The following HADH variants were observed in gnomAD, a reference collection of about 807,000 sequenced individuals.
HADH encodes the protein hydroxyacyl-CoA dehydrogenase.
Under a neutral mutation model 32.2 loss-of-function variants are expected in HADH, and 24 were observed. That is an observed-to-expected ratio of 0.75 (90% CI 0.54 to 1.05). The LOEUF is 1.05. HADH is among the 50% of genes least tolerant of loss of function. The pLI is 0.00. For synonymous variants in HADH, 139 were observed against 152.5 expected (o/e 0.91, Z 0.65); for missense variants, 350 against 397.1 (o/e 0.88, Z 1.01).
At position 108,034,775 on chromosome 4, in the gene HADH, T is replaced by C; in HGVS notation, c.*418T>C. On this transcript the variant is annotated 3_prime_UTR_variant, in exon 8 of 8. Transcript: ENST00000309522. ...CCACTGGCAAGCAAGTGGTATAGTC[T>C]GTGAAGCACTGCAGCGAGCAGCACC... 1 of 329,092 alleles carries C rather than the reference T, an allele frequency of 3.0e-6. No individual in the cohort carries two copies. Among genetic ancestry groups the C allele is most frequent in the East Asian group, 7.8e-5 (1 of 12,876 alleles). 20.4% of individuals were successfully genotyped at this position (329,092 alleles called of 1,614,324 possible).
chr4:108,023,443 C>G (rs770052488), intron 4 of HADH, 31 bp from the exon 5 acceptor site: 57 of 1,358,272 alleles, frequency 4.2e-5, no homozygotes, highest in Admixed American at 6.7e-5. Context: ...TGCTGACACT[C>G]TGGTCATAAT....
chr4:107,998,172 T>G (rs1226947496), intron 1 of HADH, among the ~76,000 whole-genome samples: 1 of 152,036 alleles, frequency 6.6e-6, no homozygotes, highest in Non-Finnish European at 1.5e-5. Context: ...TATAACACAG[T>G]TTGGTAGGTG....
At chr4:108,021,088 G>A (rs1332207335) in intron 4 of HADH, among the ~76,000 whole-genome samples, 1 of 152,136 alleles carries the variant, frequency 6.6e-6, no homozygotes, top group Non-Finnish European at 1.5e-5. Context: ...AGAAATTGAA[G>A]AATGAAGGGG....
At chr4:108,005,491 T>G (rs1044770166) in intron 1 of HADH, among the ~76,000 whole-genome samples, 1 of 152,228 alleles carries the variant, frequency 6.6e-6, no homozygotes, top group Non-Finnish European at 1.5e-5. Context: ...GTATTTATGT[T>G]GTAAATGTGT....
Position 107,989,889 on chromosome 4 carries a change from C to G in HADH, c.-44C>G. The G allele has an allele frequency of 6.2e-7, 1 of 1,603,056 alleles. No individual in the cohort carries two copies. On this transcript the variant is annotated 5_prime_UTR_variant, in exon 1 of 8. Transcript: ENST00000309522. ...TTCCGCGGCTGCCCGCCTCGCGCGT[C>G]TTCCCTGCCCGGGTCTCCTCGCTGT...
At position 108,033,156 on chromosome 4, in the gene HADH, T is replaced by G; in HGVS notation, c.710-20T>G. The stretch of plus-strand genomic sequence containing the variant: ...TCAAGGAAAGGTGGTGGTGACCCAG[T>G]GCTGCCGTTTTCTCCTTAGGTGACG... On this transcript the variant is annotated intron_variant, in intron 6 of 7. Transcript: ENST00000309522. The G allele has an allele frequency of 8.3e-7, 1 of 1,205,244 alleles. No homozygotes were observed. Among genetic ancestry groups the G allele is most frequent in the South Asian group, 1.2e-5 (1 of 82,890 alleles). 74.7% of individuals were successfully genotyped at this position (1,205,244 alleles called of 1,614,324 possible). A position where few individuals can be genotyped will look rare whatever the true frequency, so the allele number is the denominator to read the frequency against.
intron 1 of HADH, among the ~76,000 whole-genome samples, chr4:108,000,047 G>A (rs955635807): frequency 1.3e-5 from 2 of 152,226 alleles, no homozygotes; most frequent in African/African-American, 2.4e-5. Flanking sequence ...TCATTGGCCT[G>A]TAGATAGGAG....
At chr4:107,994,637 C>T (rs1734903113) in intron 1 of HADH, among the ~76,000 whole-genome samples, 1 of 152,188 alleles carries the variant, frequency 6.6e-6, no homozygotes, top group African/African-American at 2.4e-5. Flanking sequence ...TGGCTGTAAG[C>T]TCTCCTTTTG....
chr4:108,018,828 CT>C (rs1335171622), intron 3 of HADH, among the ~76,000 whole-genome samples: 11 of 152,096 alleles, frequency 7.2e-5, no homozygotes, highest in African/African-American at 2.4e-4. Context: ...TCCTCTCATG[CT>C]TTTGGCACGC....
At chr4:108,007,650 A>G (rs988602937) in intron 1 of HADH, among the ~76,000 whole-genome samples, 3 of 152,218 alleles carry the variant, frequency 2.0e-5, no homozygotes, top group African/African-American at 7.2e-5. Context: ...CCTGCCTAAT[A>G]TCTTGAGTCC....
chr4:108,000,489 G>A (rs970546597), intron 1 of HADH, among the ~76,000 whole-genome samples: 2 of 152,118 alleles, frequency 1.3e-5, no homozygotes, highest in African/African-American at 4.8e-5. Flanking sequence ...TCTCTGTTCT[G>A]TTCACATCCT....
chr4:108,015,317 C>T (rs868822973), intron 3 of HADH, among the ~76,000 whole-genome samples: 1 of 152,178 alleles, frequency 6.6e-6, no homozygotes, highest in East Asian at 1.9e-4. Context: ...TTAATAAAAG[C>T]CATTCTGACT....
At chr4:108,012,505 G>A (rs887117152) in intron 2 of HADH, among the ~76,000 whole-genome samples, 6 of 152,184 alleles carry the variant, frequency 3.9e-5, no homozygotes, top group Non-Finnish European at 7.3e-5. Context: ...GCTGTGTCCG[G>A]TTTCTATTGG....
intron 1 of HADH, among the ~76,000 whole-genome samples, chr4:108,007,717 A>C (rs899055748): frequency 6.6e-6 from 1 of 152,230 alleles, no homozygotes; most frequent in Non-Finnish European, 1.5e-5. Context: ...CACCAACTCC[A>C]TGTGGATAGA....
chr4:108,023,648 T>C, intron 5 of HADH, 85 bp downstream of exon 5: 1 of 859,518 alleles, frequency 1.2e-6, no homozygotes, highest in South Asian at 1.3e-5. Context: ...TCTCATAGAA[T>C]GATGTGAAAG....
intron 1 of HADH, among the ~76,000 whole-genome samples, chr4:107,993,330 A>C (rs2126217500): frequency 6.6e-6 from 1 of 152,030 alleles, no homozygotes. Flanking sequence ...TTTTTCAGGG[A>C]CCTCTGAAAG....
intron 5 of HADH, chr4:108,027,195 G>A (rs575367055): frequency 5.8e-5 from 12 of 208,368 alleles, no homozygotes; most frequent in Middle Eastern, 4.1e-3. Flanking sequence ...GGAGTGTGAC[G>A]TTTTGTCGAT....
rs759816402 is a variant in HADH, at chr4:108,033,244, G to A, written c.778G>A (p.Glu260Lys). Residue 260 changes from glutamate to lysine, a missense_variant, in exon 7 of 8, where the codon GAG becomes AAG. Coordinates refer to ENST00000309522, the MANE Select transcript of HADH (RefSeq NM_005327.7). ...AGCCGGTTACCCCATGGGCCCATTTGAGCTTCTAGATTATGTCGGACTGGA... is the reference window on the plus strand; with the variant it reads ...AGCCGGTTACCCCATGGGCCCATTTAAGCTTCTAGATTATGTCGGACTGGA... ...LGAGYPMGPF[E>K]LLDYVGLDTT... is the part of the protein sequence containing the mutation. 6.2e-7 allele frequency: 1 copy of A among 1,608,288 alleles called. No individual in the cohort carries two copies. The highest frequency in any genetic ancestry group is 8.5e-7 in the Non-Finnish European group (1 of 1,174,674).
intron 1 of HADH, among the ~76,000 whole-genome samples, chr4:108,003,786 AAAG>A (rs1304530393): frequency 2.7e-5 from 4 of 148,836 alleles, no homozygotes; most frequent in Non-Finnish European, 5.9e-5. Context: ...ACCCTTGCAG[AAAG>A]AAGAAGGGGG....
Sources: gnomAD v4.1 joint callset for allele counts (sites outside exome capture counted in the v4.1 genomes callset) on GRCh38, gnomAD v4.1.1 for gene constraint, MANE v1.5 for transcripts, NCBI Gene and HGNC (gene_info 2026-07-23, HGNC 2026-07-21) for gene names.